Variants in SETD3 observed in about 807,000 individuals in gnomAD.
The protein encoded by SETD3 is actin-histidine N-methyltransferase.
A neutral mutation model predicts 63.0 loss-of-function variants in SETD3; 19 were observed. The ratio of observed to expected loss-of-function variants is 0.30; its 90% CI spans 0.21 to 0.44. The LOEUF (loss-of-function observed/expected upper bound fraction) is 0.44, where lower values mean the gene tolerates loss of function less well. Ranked by LOEUF, SETD3 falls within the 20% of genes least tolerant of loss-of-function variation. The pLI is 1.00. For synonymous variants in SETD3, 286 were observed against 264.1 expected, an observed-to-expected ratio of 1.08 and a Z score of -0.80; for missense variants, 587 against 728.5, an observed-to-expected ratio of 0.81 and a Z score of 2.24.
intron 6 of SETD3, among the ~76,000 whole-genome samples, chr14:99,447,125 C>G (rs1595223976): frequency 6.6e-6 from 1 of 152,246 alleles, no homozygotes; most frequent in East Asian, 1.9e-4. Flanking sequence ...GCGCACGCCA[C>G]CACGCCCAGC....
intron 2 of SETD3, among the ~76,000 whole-genome samples, chr14:99,464,728 C>T (rs554642375): frequency 6.9e-4 from 105 of 152,322 alleles, no homozygotes; most frequent in South Asian, 6.6e-3. Flanking sequence ...ACTAATTGCA[C>T]CAATTCAAAT....
At chr14:99,426,151 C>G (rs1185892851) in intron 6 of SETD3, among the ~76,000 whole-genome samples, 1 of 152,182 alleles carries the variant, frequency 6.6e-6, no homozygotes, top group East Asian at 1.9e-4. Flanking sequence ...AATCCTAAGA[C>G]AAGGTTTAAG....
rs536996347 is a variant in SETD3 at position 99,423,588 on chromosome 14, CAAAAAAAAAA to C, written c.676-9664_676-9655del. 1.2e-3 allele frequency among the ~76,000 whole-genome samples: 46 copies of C among 36,898 alleles called. No individual in the cohort carries two copies. In the East Asian group the frequency reaches 0.022, roughly 18 times the overall value. 24.2% of individuals were successfully genotyped at this position (36,898 alleles called of 152,430 possible). A position where few individuals can be genotyped will look rare whatever the true frequency, so the allele number is the denominator to read the frequency against. ...CAGAAGGCTCTTAAGCACTGTTATGCAAAAAAAAAAAAAAAAAAAAAAAAAAGAGCAGGCA... is the reference window on the plus strand; with the variant it reads ...CAGAAGGCTCTTAAGCACTGTTATGCAAAAAAAAAAAAAAAAGAGCAGGCA... On this transcript the variant is annotated intron_variant, in intron 6 of 12. Coordinates refer to ENST00000331768, the MANE Select transcript of SETD3 (RefSeq NM_032233.3).
At chr14:99,421,248 T>C (rs1375089429) in intron 6 of SETD3, among the ~76,000 whole-genome samples, 2 of 152,246 alleles carry the variant, frequency 1.3e-5, no homozygotes, top group African/African-American at 2.4e-5. Flanking sequence ...TAAAAAGTTA[T>C]TATTTTATAA....
At chr14:99,448,156 G>C (rs1894241970) in intron 6 of SETD3, among the ~76,000 whole-genome samples, 1 of 152,180 alleles carries the variant, frequency 6.6e-6, no homozygotes. Context: ...CCAGTTCCAA[G>C]TGCAGGTACC....
chr14:99,399,055 C>T lies in SETD3; in HGVS notation c.1409G>A (p.Gly470Asp). The T allele has an allele frequency of 1.2e-6, 2 of 1,614,182 alleles. No individual in the cohort carries two copies. Among genetic ancestry groups the T allele is most frequent in the Non-Finnish European group, 1.7e-6 (2 of 1,180,038 alleles). The change falls in exon 13 of 13, where the codon GGT becomes GAT. Residue 470 changes from glycine to aspartate, a missense_variant. Physicochemically the swap from Gly to Asp is moderately conservative, Grantham distance 94 (BLOSUM62 -1). Transcript: ENST00000331768. The stretch of plus-strand genomic sequence containing the variant: ...TGCTTTTTCCAAAATCTCTTTCTCA[C>T]CTAAGCGCAATTTGATGGCCATTTT... The part of the protein sequence containing the change: ...RAKMAIKLRL[G>D]EKEILEKAVK...
At chr14:99,461,663 G>C (rs1324608999) in intron 3 of SETD3, among the ~76,000 whole-genome samples, 1 of 152,220 alleles carries the variant, frequency 6.6e-6, no homozygotes, top group Admixed American at 6.5e-5. Flanking sequence ...ATGATTTACA[G>C]AGCAGTTTTC....
intron 2 of SETD3, among the ~76,000 whole-genome samples, chr14:99,465,188 G>A (rs1895297975): frequency 6.6e-6 from 1 of 152,118 alleles, no homozygotes; most frequent in South Asian, 2.1e-4. Context: ...AAAGAAAGGC[G>A]AGCCATTCCA....
chr14:99,454,249 G>A (rs1322991396), intron 6 of SETD3, among the ~76,000 whole-genome samples: 1 of 151,896 alleles, frequency 6.6e-6, no homozygotes, highest in Admixed American at 6.6e-5. Flanking sequence ...GAATGCAGTG[G>A]TGTGACCATA....
At chr14:99,400,300 T>C (rs371289668) in intron 11 of SETD3, 41 bp from the exon 12 acceptor site, 233 of 1,570,584 alleles carry the variant, frequency 1.5e-4, no homozygotes, top group Non-Finnish European at 1.7e-4. Flanking sequence ...GAGGAAAACA[T>C]AGCACTCCTC....
At chr14:99,464,377 T>C (rs1244735081) in intron 2 of SETD3, among the ~76,000 whole-genome samples, 1 of 152,220 alleles carries the variant, frequency 6.6e-6, no homozygotes, top group Non-Finnish European at 1.5e-5. Flanking sequence ...TAACAATAAC[T>C]AGACACACGC....
chr14:99,402,880 G>A (rs1178991432), intron 11 of SETD3, among the ~76,000 whole-genome samples: 1 of 152,176 alleles, frequency 6.6e-6, no homozygotes, highest in Non-Finnish European at 1.5e-5. Flanking sequence ...CAAATTCAAG[G>A]AATATCATCA....
intron 1 of SETD3, among the ~76,000 whole-genome samples, chr14:99,476,350 C>CAT (rs1895971562): frequency 6.6e-6 from 1 of 152,218 alleles, no homozygotes; most frequent in African/African-American, 2.4e-5. Flanking sequence ...ACTGATAAAA[C>CAT]ATACGCATGT....
chr14:99,421,375 C>A (rs949951463), intron 6 of SETD3, among the ~76,000 whole-genome samples: 1 of 151,104 alleles, frequency 6.6e-6, no homozygotes, highest in East Asian at 1.9e-4. Flanking sequence ...AGGATAACTA[C>A]GTTGGACTCT....
chr14:99,445,799 G>C (rs1164381509), intron 6 of SETD3, among the ~76,000 whole-genome samples: 1 of 152,086 alleles, frequency 6.6e-6, no homozygotes, highest in Non-Finnish European at 1.5e-5. Context: ...ACAAAAACAA[G>C]GTCTAAAAAT....
chr14:99,418,274 C>T (rs1234809107), intron 6 of SETD3, among the ~76,000 whole-genome samples: 4 of 152,068 alleles, frequency 2.6e-5, no homozygotes, highest in African/African-American at 9.7e-5. Context: ...ACCATAATGC[C>T]ATGCAATTAA....
rs1448868748 is a variant in SETD3 at position 99,473,780 on chromosome 14, A to G, written c.-9+6948T>C. On this transcript the variant is annotated intron_variant, in intron 1 of 12. Transcript: ENST00000331768. Reference sequence around the variant, plus strand: ...GATTACTACATTCAGAATTAAATACACAAATTACAGGATGACGAGTTAGGA... The same window carrying G: ...GATTACTACATTCAGAATTAAATACGCAAATTACAGGATGACGAGTTAGGA... Among the ~76,000 whole-genome samples the G allele has an allele frequency of 1.5e-4, 23 of 152,346 alleles. 1 individual carries two copies. In the South Asian group the frequency reaches 4.8e-3, roughly 32 times the overall value.
In SETD3 at chr14:99,405,850, C is replaced by T. The variant is rs552902985; in HGVS notation, c.925-479G>A. Among the ~76,000 whole-genome samples, 42 of 152,316 alleles carry T rather than the reference C, an allele frequency of 2.8e-4. No individual in the cohort carries two copies. In the South Asian group the frequency reaches 8.3e-3, roughly 30 times the overall value. The stretch of plus-strand genomic sequence containing the variant: ...AGATCCTCTGGCAATTAATCCTGCA[C>T]CTGGCAGGTGGGTTTATAAACTTTT... On this transcript the variant is annotated intron_variant, in intron 9 of 12. Coordinates refer to ENST00000331768, the MANE Select transcript of SETD3 (RefSeq NM_032233.3).
chr14:99,444,871 T>C (rs1353219773), intron 6 of SETD3, among the ~76,000 whole-genome samples: 2 of 151,520 alleles, frequency 1.3e-5, no homozygotes, highest in East Asian at 1.9e-4. Context: ...GTCATGAATA[T>C]GTACAATTAT....
Sources: gnomAD v4.1 joint callset for allele counts (sites outside exome capture counted in the v4.1 genomes callset) on GRCh38, gnomAD v4.1.1 for gene constraint, MANE v1.5 for transcripts, NCBI Gene and HGNC (gene_info 2026-07-23, HGNC 2026-07-21) for gene names.